The following PDE1A variants were observed in gnomAD, a reference collection of about 807,000 sequenced individuals.
PDE1A encodes dual specificity calcium/calmodulin-dependent 3',5'-cyclic nucleotide phosphodiesterase 1A.
In PDE1A, 35 loss-of-function variants were observed where a neutral mutation model predicts 61.7. That is an observed-to-expected ratio of 0.57 (90% CI 0.43 to 0.75). The LOEUF (loss-of-function observed/expected upper bound fraction) is 0.75, where lower values mean the gene tolerates loss of function less well. Ranked by LOEUF, PDE1A falls within the 30% of genes least tolerant of loss-of-function variation. The pLI is 0.00. For synonymous variants in PDE1A, 232 were observed against 213.2 expected (o/e 1.09, Z -0.77); for missense variants, 597 against 630.6 (o/e 0.95, Z 0.57).
chr2:182,145,026 C>A (rs559508679), downstream of PDE1A, among the ~76,000 whole-genome samples: 1 of 152,292 alleles, frequency 6.6e-6, no homozygotes, highest in South Asian at 2.1e-4. Context: ...TCACAGTTGC[C>A]AATCGTCACC....
chr2:182,325,665 C>T (rs1179333745), intron 1 of PDE1A, among the ~76,000 whole-genome samples: 2 of 152,170 alleles, frequency 1.3e-5, no homozygotes, highest in African/African-American at 4.8e-5. Context: ...CGTCTGTAAT[C>T]CCAGTAGTTT....
chr2:182,564,678 T>C, the PDE1A span, among the ~76,000 whole-genome samples: 2 of 152,198 alleles, frequency 1.3e-5, no homozygotes, highest in Non-Finnish European at 2.9e-5. Flanking sequence ...TCCCCGTCAC[T>C]TTCAGGTACA....
chr2:182,262,415 G>A (rs937633358), intron 2 of PDE1A, among the ~76,000 whole-genome samples: 7 of 151,934 alleles, frequency 4.6e-5, no homozygotes, highest in Admixed American at 6.6e-5. Context: ...ACAGACACAC[G>A]CCACAATGCC....
chr2:182,705,705 G>T, the PDE1A span, among the ~76,000 whole-genome samples: 4 of 152,104 alleles, frequency 2.6e-5, no homozygotes, highest in Admixed American at 2.6e-4. Context: ...ATAGAGACCA[G>T]GTTTTGCCAG....
intron 1 of PDE1A, among the ~76,000 whole-genome samples, chr2:182,324,001 G>A (rs1000888804): frequency 1.3e-5 from 2 of 152,136 alleles, no homozygotes; most frequent in African/African-American, 4.8e-5. Flanking sequence ...CACCAGTAGG[G>A]AAGACATTTC....
chr2:182,632,539 A>G, the PDE1A span, among the ~76,000 whole-genome samples: 1 of 152,054 alleles, frequency 6.6e-6, no homozygotes, highest in Admixed American at 6.6e-5. Flanking sequence ...GCACTATTAG[A>G]TACTGCAAGA....
At chr2:182,318,848 T>A (rs963456638) in intron 1 of PDE1A, among the ~76,000 whole-genome samples, 3 of 152,204 alleles carry the variant, frequency 2.0e-5, no homozygotes, top group Non-Finnish European at 2.9e-5. Flanking sequence ...TTTCTTTTTT[T>A]AAAACCTTTA....
At chr2:182,300,375 T>A (rs1306423205) in intron 1 of PDE1A, among the ~76,000 whole-genome samples, 1 of 152,192 alleles carries the variant, frequency 6.6e-6, no homozygotes, top group Non-Finnish European at 1.5e-5. Context: ...AAACCTGGAC[T>A]TGGTTCATTG....
At chr2:182,421,341 G>C (rs976479923) in intron 1 of PDE1A, among the ~76,000 whole-genome samples, 3 of 152,056 alleles carry the variant, frequency 2.0e-5, no homozygotes, top group Non-Finnish European at 4.4e-5. Context: ...CTCCTGAGTG[G>C]AAGACACCTC....
intron 2 of PDE1A, among the ~76,000 whole-genome samples, chr2:182,516,775 A>C (rs965915836): frequency 6.8e-4 from 84 of 124,276 alleles, no homozygotes; most frequent in Non-Finnish European, 1.2e-3. Flanking sequence ...GAAAGAAAGA[A>C]AGAAAGAAAA....
the PDE1A span, among the ~76,000 whole-genome samples, chr2:182,694,023 T>C: frequency 3.9e-5 from 6 of 152,206 alleles, no homozygotes; most frequent in Admixed American, 3.3e-4. Context: ...CTTTGGTTGT[T>C]TCTATCTTTG....
intron 1 of PDE1A, among the ~76,000 whole-genome samples, chr2:182,353,471 C>T (rs892398747): frequency 6.6e-6 from 1 of 152,064 alleles, no homozygotes; most frequent in Non-Finnish European, 1.5e-5. Flanking sequence ...CTTGGTATTT[C>T]ACAGATTTTG....
the PDE1A span, among the ~76,000 whole-genome samples, chr2:182,679,528 A>G: frequency 6.6e-6 from 1 of 151,944 alleles, no homozygotes; most frequent in Admixed American, 6.6e-5. Context: ...ATCATTACGC[A>G]TTGTATACAT....
chr2:182,208,857 T>C (rs1408928196), intron 7 of PDE1A, among the ~76,000 whole-genome samples: 1 of 152,188 alleles, frequency 6.6e-6, no homozygotes, highest in African/African-American at 2.4e-5. Flanking sequence ...AATAGGAGCA[T>C]TTACCCAATG....
chr2:182,595,008 G>GT, the PDE1A span, among the ~76,000 whole-genome samples: 1 of 152,162 alleles, frequency 6.6e-6, no homozygotes, highest in Non-Finnish European at 1.5e-5. Context: ...ACTGTGCATA[G>GT]TTAGTGGTAC....
the PDE1A span, among the ~76,000 whole-genome samples, chr2:182,687,983 G>A: frequency 6.6e-6 from 1 of 152,166 alleles, no homozygotes; most frequent in Non-Finnish European, 1.5e-5. Context: ...AGAGAAAAAG[G>A]AATAAAAAGA....
At chr2:182,310,902 C>T (rs1695923136) in intron 1 of PDE1A, among the ~76,000 whole-genome samples, 1 of 152,200 alleles carries the variant, frequency 6.6e-6, no homozygotes, top group Non-Finnish European at 1.5e-5. Context: ...AAATGATATA[C>T]TCAACTTTTA....
At chr2:182,709,904 G>C in the PDE1A span, among the ~76,000 whole-genome samples, 2 of 152,010 alleles carry the variant, frequency 1.3e-5, no homozygotes, top group African/African-American at 4.8e-5. Context: ...TTGTTTGTTT[G>C]TTTTTGTTTT....
intron 1 of PDE1A, among the ~76,000 whole-genome samples, chr2:182,306,179 G>C (rs1233210589): frequency 6.6e-6 from 1 of 151,936 alleles, no homozygotes; most frequent in Non-Finnish European, 1.5e-5. Flanking sequence ...ATGCTCTCCA[G>C]GTTCATCTAT....
Sources: gnomAD v4.1 joint callset for allele counts (sites outside exome capture counted in the v4.1 genomes callset) on GRCh38, gnomAD v4.1.1 for gene constraint, MANE v1.5 for transcripts, NCBI Gene and HGNC (gene_info 2026-07-23, HGNC 2026-07-21) for gene names.